Variants in SLC7A5 observed in about 807,000 individuals in gnomAD.
SLC7A5 encodes large neutral amino acids transporter small subunit 1.
Under a neutral mutation model 50.2 loss-of-function variants are expected in SLC7A5, and 23 were observed. The observed-to-expected ratio is 0.46, with a 90% CI of 0.33 to 0.65. The LOEUF is 0.65. Ranked by LOEUF, SLC7A5 falls within the 30% of genes least tolerant of loss-of-function variation. SLC7A5 has a pLI of 0.02. For missense variants in SLC7A5, 578 were observed against 684.4 expected, an observed-to-expected ratio of 0.84 and a Z score of 1.73; for synonymous variants, 393 against 330.6, an observed-to-expected ratio of 1.19 and a Z score of -2.05.
Position 87,833,149 on chromosome 16 carries a change from G to A in SLC7A5, c.1469-124C>T. On this transcript the variant is annotated intron_variant, in intron 9 of 9. Coordinates refer to ENST00000261622, the MANE Select transcript of SLC7A5 (RefSeq NM_003486.7). The surrounding 1 kb of genome is among the most constrained non-coding windows in gnomAD (Gnocchi z 6.0). Reference sequence around the variant, plus strand: ...AAACCCAGCGCCGCTGCCCAGCGCTGGGATTTTAAGGAACCTTCCCTTGTG... The same window carrying A: ...AAACCCAGCGCCGCTGCCCAGCGCTAGGATTTTAAGGAACCTTCCCTTGTG... The A allele has an allele frequency of 1.2e-6, 1 of 805,764 alleles. No homozygotes were observed. The highest frequency in any genetic ancestry group is 2.2e-6 in the Non-Finnish European group (1 of 454,714). The allele number at this position is 805,764 out of a possible 1,614,324, so 49.9% of individuals were successfully genotyped here. A position where few individuals can be genotyped will look rare whatever the true frequency, so the allele number is the denominator to read the frequency against.
intron 1 of SLC7A5, among the ~76,000 whole-genome samples, chr16:87,856,463 C>T (rs565025233): frequency 9.6e-4 from 146 of 152,330 alleles, no homozygotes; most frequent in African/African-American, 3.5e-3. Context: ...GGCCGGAGAG[C>T]GGCAGCTGAC....
chr16:87,838,066 G>T, intron 6 of SLC7A5, 125 bp from the exon 7 acceptor site: 1 of 779,312 alleles, frequency 1.3e-6, no homozygotes, highest in Non-Finnish European at 2.2e-6. Flanking sequence ...TGGCCACAGT[G>T]GGAACCAGGC....
chr16:87,865,320 C>A (rs1360354936), intron 1 of SLC7A5, among the ~76,000 whole-genome samples: 1 of 152,242 alleles, frequency 6.6e-6, no homozygotes, highest in African/African-American at 2.4e-5. Context: ...GAAAGGGACC[C>A]TATTAACATT....
chr16:87,864,671 G>A (rs1229611027), intron 1 of SLC7A5, among the ~76,000 whole-genome samples: 2 of 152,250 alleles, frequency 1.3e-5, no homozygotes, highest in African/African-American at 2.4e-5. Context: ...GTCCAGCTGA[G>A]GGTCCCAGCC....
chr16:87,859,439 T>C (rs1157386847), intron 1 of SLC7A5, among the ~76,000 whole-genome samples: 1 of 152,192 alleles, frequency 6.6e-6, no homozygotes, highest in African/African-American at 2.4e-5. Context: ...GGCCTTGGTT[T>C]TGTAGCAGCT....
intron 8 of SLC7A5, among the ~76,000 whole-genome samples, chr16:87,835,779 C>G (rs2054995093): frequency 6.6e-6 from 1 of 152,168 alleles, no homozygotes; most frequent in African/African-American, 2.4e-5. Flanking sequence ...CAGCCTAAAG[C>G]CCGTTCAACA....
At chr16:87,864,881 T>A (rs1010282629) in intron 1 of SLC7A5, among the ~76,000 whole-genome samples, 5 of 152,246 alleles carry the variant, frequency 3.3e-5, no homozygotes, top group African/African-American at 1.2e-4. Context: ...ACAAGCTAGC[T>A]AGGTAAACTA....
intron 7 of SLC7A5, 35 bp from the exon 8 acceptor site, chr16:87,836,682 C>T: frequency 1.2e-6 from 2 of 1,607,464 alleles, no homozygotes; most frequent in Non-Finnish European, 1.7e-6. Context: ...AGCCCTGGGG[C>T]CCACGAGCAG....
Position 87,869,444 on chromosome 16 carries a change from TG to T in SLC7A5, c.-23del. ...CCATGCTCTGCGCACCGGCCGGGCC[TG>T]GGACACCCGGGAGCCGCGGCCCAGC... On this transcript the variant is annotated 5_prime_UTR_variant, in exon 1 of 10. Transcript: ENST00000261622. 10 of 1,394,534 alleles carry T rather than the reference TG, an allele frequency of 7.2e-6. No individual in the cohort carries two copies. Among genetic ancestry groups the T allele is most frequent in the Non-Finnish European group, 9.2e-6 (10 of 1,084,686 alleles). 86.4% of individuals were successfully genotyped at this position (1,394,534 alleles called of 1,614,324 possible).
chr16:87,834,553 GC>G lies in SLC7A5; in HGVS notation c.1328del (p.Cys443SerfsTer4). On this transcript the variant is annotated frameshift_variant, in exon 9 of 10. Coordinates refer to ENST00000261622, the MANE Select transcript of SLC7A5 (RefSeq NM_003486.7). LOFTEE classifies it high-confidence loss of function. The part of the protein sequence containing the change: ...LALPVFFILA[C>X]LFLIAVSFWK... Reference sequence around the variant, plus strand: ...AGAAGGAGACGGCGATCAGGAAGAGGCAGGCCAGGATGAAGAACACAGGCAG... The same window carrying G: ...AGAAGGAGACGGCGATCAGGAAGAGGAGGCCAGGATGAAGAACACAGGCAG... The G allele has an allele frequency of 6.3e-7, 1 of 1,598,944 alleles. No homozygotes were observed. The highest frequency in any genetic ancestry group is 1.1e-5 in the South Asian group (1 of 87,772).
intron 1 of SLC7A5, among the ~76,000 whole-genome samples, chr16:87,863,301 G>C (rs1294392714): frequency 6.6e-6 from 1 of 152,102 alleles, no homozygotes; most frequent in Non-Finnish European, 1.5e-5. Flanking sequence ...AACTCGCCTG[G>C]ATCAGTGCCG....
chr16:87,860,475 C>G lies in SLC7A5; in HGVS notation c.538+8410G>C, dbSNP rs528318985. On this transcript the variant is annotated intron_variant, in intron 1 of 9. Coordinates refer to ENST00000261622, the MANE Select transcript of SLC7A5 (RefSeq NM_003486.7). This position sits in a 1 kb window ranked among gnomAD's most constrained non-coding sequence, Gnocchi z 4.8. The stretch of plus-strand genomic sequence containing the variant: ...GCCCATCCCCGCCTTGGAGTTGTCC[C>G]GCCTTTCTCGGCAGAACCAACAAAT... Among the ~76,000 whole-genome samples, 1 of 151,944 alleles carries G rather than the reference C, an allele frequency of 6.6e-6. No homozygotes were observed. Among genetic ancestry groups the G allele is most frequent in the African/African-American group, 2.4e-5 (1 of 41,340 alleles).
rs555172707 is a variant in SLC7A5 at position 87,840,869 on chromosome 16, C to T, written c.770+181G>A. 4.0e-5 allele frequency among the ~76,000 whole-genome samples: 6 copies of T among 151,582 alleles called. No individual in the cohort carries two copies. In the South Asian group the frequency reaches 6.2e-4, roughly 16 times the overall value. ...TGCAGCGGGCGGCCTCCCCACGCTT[C>T]GTCGGGATGTGGGTGACTCTGGAGG... On this transcript the variant is annotated intron_variant, in intron 3 of 9. Transcript: ENST00000261622.
intron 3 of SLC7A5, 146 bp downstream of exon 3, chr16:87,840,904 C>T (rs2055075387): frequency 1.5e-6 from 1 of 686,458 alleles, no homozygotes; most frequent in South Asian, 1.5e-5. Context: ...GGTCACCTGC[C>T]ACTCTTTAAC....
At chr16:87,859,293 G>C (rs1341846046) in intron 1 of SLC7A5, among the ~76,000 whole-genome samples, 1 of 152,160 alleles carries the variant, frequency 6.6e-6, no homozygotes, top group Non-Finnish European at 1.5e-5. Context: ...GCCCCTACAC[G>C]GTAGCAGGTG....
chr16:87,837,893 G>A lies in SLC7A5; in HGVS notation c.1092C>T (p.Ser364=), dbSNP rs529743470. 2 of 1,608,522 alleles carry A rather than the reference G, an allele frequency of 1.2e-6. No individual in the cohort carries two copies. Among genetic ancestry groups the A allele is most frequent in the Admixed American group, 1.7e-5 (1 of 59,278 alleles). ...GGGTGAGGAGCTGTGGGTGGATCAT[G>A]GAGAGGATGGAGGGCAGGTGGCCTT... ...SREGHLPSIL[S]MIHPQLLTPV... The change falls in exon 7 of 10, where the codon TCC becomes TCT. Residue 364 remains serine (S), a synonymous_variant. Transcript: ENST00000261622.
chr16:87,852,638 C>CTGTGTGTGTGTGTGTGCG lies in SLC7A5; in HGVS notation c.539-790_539-789insCGCACACACACACACACA, dbSNP rs2055247450. ...CTGTAAGGCACCCAGCTCTGAGCCTCTGTGTGTGTGTGTGTGTGTGTGTGT... is the reference window on the plus strand; with the variant it reads ...CTGTAAGGCACCCAGCTCTGAGCCTCTGTGTGTGTGTGTGTGCGTGTGTGTGTGTGTGTGTGTGTGTGT... On this transcript the variant is annotated intron_variant, in intron 1 of 9. Transcript: ENST00000261622. This position sits in a 1 kb window ranked among gnomAD's most constrained non-coding sequence, Gnocchi z 4.5. Among the ~76,000 whole-genome samples, 2 of 116,796 alleles carry CTGTGTGTGTGTGTGTGCG rather than the reference C, an allele frequency of 1.7e-5. No homozygotes were observed. Among genetic ancestry groups the CTGTGTGTGTGTGTGTGCG allele is most frequent in the Non-Finnish European group, 3.5e-5 (2 of 56,440 alleles). The allele number at this position is 116,796 out of a possible 152,430, so 76.6% of individuals were successfully genotyped here. A position where few individuals can be genotyped will look rare whatever the true frequency, so the allele number is the denominator to read the frequency against.
At position 87,831,584 on chromosome 16, in the gene SLC7A5, T is replaced by G. The variant is rs376915929; in HGVS notation, c.*1386A>C. On this transcript the variant is annotated 3_prime_UTR_variant, in exon 10 of 10. Coordinates refer to ENST00000261622, the MANE Select transcript of SLC7A5 (RefSeq NM_003486.7). ...GAGCACTGGAGTGACGCTGGACCACTTGGCTCCACCTCTGGCTGGGGAGAA... is the reference window on the plus strand; with the variant it reads ...GAGCACTGGAGTGACGCTGGACCACGTGGCTCCACCTCTGGCTGGGGAGAA... 6.6e-6 allele frequency: 1 copy of G among 152,228 alleles called. No individual in the cohort carries two copies. The highest frequency in any genetic ancestry group is 2.4e-5 in the African/African-American group (1 of 41,438). 9.4% of individuals were successfully genotyped at this position (152,228 alleles called of 1,614,324 possible).
At chr16:87,863,073 C>G (rs1460369387) in intron 1 of SLC7A5, among the ~76,000 whole-genome samples, 2 of 152,234 alleles carry the variant, frequency 1.3e-5, no homozygotes, top group African/African-American at 4.8e-5. Context: ...GACAGGGAAA[C>G]AGGAGGGGGC....
Sources: allele counts gnomAD v4.1 joint callset (sites outside exome capture counted in the v4.1 genomes callset), GRCh38; gene constraint gnomAD v4.1.1; non-coding constraint Gnocchi (gnomAD v3.1); transcripts MANE v1.5; gene names NCBI Gene and HGNC (gene_info 2026-07-23, HGNC 2026-07-21).